Variants in RALGAPA2 observed in about 807,000 individuals in gnomAD.
The protein encoded by RALGAPA2 is Ral GTPase activating protein catalytic subunit alpha 2, also known as ral GTPase-activating protein subunit alpha-2.
In RALGAPA2, 139 loss-of-function variants were observed where a neutral mutation model predicts 230.4. That is an observed-to-expected ratio of 0.60 (90% confidence interval 0.53 to 0.69). RALGAPA2 has a LOEUF of 0.69. Ranked by LOEUF, RALGAPA2 falls within the 30% of genes least tolerant of loss-of-function variation. RALGAPA2 has a pLI of 0.00. For missense variants in RALGAPA2, 2,163 were observed against 2,276.0 expected, an observed-to-expected ratio of 0.95 and a Z score of 1.01; for synonymous variants, 847 against 837.8, an observed-to-expected ratio of 1.01 and a Z score of -0.19.
intron 19 of RALGAPA2, among the ~76,000 whole-genome samples, chr20:20,584,205 C>T (rs898535367): frequency 6.6e-6 from 1 of 152,176 alleles, no homozygotes. Context: ...TATGATAATA[C>T]GTCTCAGGAT....
intron 2 of RALGAPA2, among the ~76,000 whole-genome samples, chr20:20,677,629 A>ACT (rs2068377861): frequency 2.0e-4 from 13 of 64,312 alleles, no homozygotes; most frequent in Non-Finnish European, 2.9e-4. Context: ...GATTTGACCC[A>ACT]TTTTTTTTTT....
intron 34 of RALGAPA2, among the ~76,000 whole-genome samples, chr20:20,503,927 A>C (rs559624646): frequency 6.6e-5 from 10 of 152,338 alleles, no homozygotes; most frequent in African/African-American, 2.4e-4. Flanking sequence ...CAATATTAAA[A>C]ATATTTAGCA....
intron 30 of RALGAPA2, among the ~76,000 whole-genome samples, chr20:20,522,009 G>A (rs952333089): frequency 6.6e-6 from 1 of 152,174 alleles, no homozygotes. Context: ...TGCAGTATAG[G>A]AAAATCCTTA....
At chr20:20,559,770 T>C (rs2064201380) in intron 23 of RALGAPA2, among the ~76,000 whole-genome samples, 1 of 152,078 alleles carries the variant, frequency 6.6e-6, no homozygotes, top group South Asian at 2.1e-4. Context: ...ATACAACTAA[T>C]TTGATAGCTG....
chr20:20,512,902 T>C lies in RALGAPA2; in HGVS notation c.4467A>G (p.Gly1489=). Residue 1489 remains glycine, a synonymous_variant, in exon 32 of 40, where the codon GGA becomes GGG. Coordinates refer to ENST00000202677, the MANE Select transcript of RALGAPA2 (RefSeq NM_020343.4). ...GPLEGCLAPN[G]RNPSFLISSW... ...TCGAAATCAGAAATGAAGGATTTCT[T>C]CCATTGGGTGCTAAGCAGCCTTCCA... 2 of 1,613,876 alleles carry C rather than the reference T, an allele frequency of 1.2e-6. No individual in the cohort carries two copies. The highest frequency in any genetic ancestry group is 1.7e-6 in the Non-Finnish European group (2 of 1,179,794).
At chr20:20,538,919 G>A (rs1339093763) in intron 24 of RALGAPA2, among the ~76,000 whole-genome samples, 1 of 152,132 alleles carries the variant, frequency 6.6e-6, no homozygotes, top group Non-Finnish European at 1.5e-5. Context: ...GTATTCTGCT[G>A]TAACACCACA....
At chr20:20,614,334 TA>T (rs1281523639) in intron 13 of RALGAPA2, among the ~76,000 whole-genome samples, 1 of 151,934 alleles carries the variant, frequency 6.6e-6, no homozygotes. Context: ...TTCATCAAAA[TA>T]AAAAGATTAT....
At chr20:20,582,995 A>C in intron 20 of RALGAPA2, 55 bp downstream of exon 20, 1 of 1,556,738 alleles carries the variant, frequency 6.4e-7, no homozygotes, top group Admixed American at 1.7e-5. Context: ...CCAATGATTC[A>C]CAACTGATCT....
chr20:20,529,248 T>C (rs933457588), intron 27 of RALGAPA2, among the ~76,000 whole-genome samples: 4 of 152,214 alleles, frequency 2.6e-5, no homozygotes, highest in African/African-American at 9.7e-5. Flanking sequence ...TTCTTTGACC[T>C]TCCTCAGTCC....
At chr20:20,710,545 A>T (rs962502393) in intron 1 of RALGAPA2, among the ~76,000 whole-genome samples, 1 of 152,250 alleles carries the variant, frequency 6.6e-6, no homozygotes, top group Admixed American at 6.5e-5. Flanking sequence ...ACTAGTAAGT[A>T]TATCAACAAA....
intron 4 of RALGAPA2, among the ~76,000 whole-genome samples, chr20:20,645,091 T>TTGG (rs907279041): frequency 2.0e-5 from 3 of 151,268 alleles, no homozygotes; most frequent in Non-Finnish European, 4.4e-5. Context: ...TGGCTTGTTT[T>TTGG]TGGTGGTGGT....
intron 37 of RALGAPA2, 149 bp downstream of exon 37, chr20:20,472,680 G>T: frequency 1.5e-6 from 1 of 688,096 alleles, no homozygotes; most frequent in Non-Finnish European, 2.2e-6. Context: ...CAAATGCTAT[G>T]AAAAACCACT....
chr20:20,627,678 G>A lies in RALGAPA2; in HGVS notation c.1233+1685C>T, dbSNP rs2066532460. ...ACACTTTCTGTGCAGCAGAGGGAGGGCCCTTGAAGCTGTGCTCAGGTGTAA... is the reference window on the plus strand; with the variant it reads ...ACACTTTCTGTGCAGCAGAGGGAGGACCCTTGAAGCTGTGCTCAGGTGTAA... On this transcript the variant is annotated intron_variant, in intron 10 of 39. Transcript: ENST00000202677. 2.6e-5 allele frequency among the ~76,000 whole-genome samples: 4 copies of A among 152,260 alleles called. No homozygotes were observed. The South Asian group carries it at 6.2e-4, about 24-fold the overall frequency.
At position 20,637,461 on chromosome 20, in the gene RALGAPA2, G is replaced by T; in HGVS notation, c.707C>A (p.Thr236Asn). Residue 236 changes from threonine to asparagine, a missense_variant, in exon 8 of 40, where the codon ACT (threonine) becomes AAT (asparagine). Thr to Asn is a moderately conservative substitution (Grantham distance 65). Coordinates refer to ENST00000202677, the MANE Select transcript of RALGAPA2 (RefSeq NM_020343.4). ...LEWKNKENQD[T>N]GFKFLFTLFR... Reference sequence around the variant, plus strand: ...CAATGTAAAAAGAAATTTAAAACCAGTATCTTGATTCTCCTTATTCTTCCA... The same window carrying T: ...CAATGTAAAAAGAAATTTAAAACCATTATCTTGATTCTCCTTATTCTTCCA... 1.3e-6 allele frequency: 2 copies of T among 1,571,570 alleles called. No homozygotes were observed.
Position 20,565,301 on chromosome 20 carries a change from T to C in RALGAPA2, c.3156+6157A>G, listed in dbSNP as rs6046938. 2.3e-3 allele frequency among the ~76,000 whole-genome samples: 355 copies of C among 152,358 alleles called. 2 individuals are homozygous for C. The highest frequency in any genetic ancestry group is 8.0e-3 in the African/African-American group (333 of 41,586). On this transcript the variant is annotated intron_variant, in intron 23 of 39. Transcript: ENST00000202677. ...TTATCTAACATATATGGTTCCATAG[T>C]AACAAGTCTAAATTTTCAGCAAAGA...
intron 36 of RALGAPA2, among the ~76,000 whole-genome samples, chr20:20,478,704 G>T (rs565630718): frequency 2.6e-5 from 4 of 152,212 alleles, no homozygotes; most frequent in African/African-American, 9.6e-5. Flanking sequence ...ACTACCAGAA[G>T]GGGGAGGGAG....
At chr20:20,474,875 T>C (rs2061617495) in intron 36 of RALGAPA2, among the ~76,000 whole-genome samples, 1 of 152,178 alleles carries the variant, frequency 6.6e-6, no homozygotes, top group African/African-American at 2.4e-5. Flanking sequence ...TTAGAGATGA[T>C]GTTTCTAGCC....
chr20:20,528,191 G>C (rs575811439), intron 27 of RALGAPA2, among the ~76,000 whole-genome samples: 69 of 152,320 alleles, frequency 4.5e-4, no homozygotes, highest in African/African-American at 1.6e-3. Flanking sequence ...TGTAATGAAG[G>C]AGGTGGGGAA....
In RALGAPA2 at chr20:20,611,384, G is replaced by A. The variant is rs759726837; in HGVS notation, c.1731C>T (p.Val577=). ...LQILLRITEA[V]MQKPKDKQIK... Reference sequence around the variant, plus strand: ...TTTGTTTATCCTTTGGCTTCTGCATGACAGCTTCTGTTATCCTGAGTAGTA... The same window carrying A: ...TTTGTTTATCCTTTGGCTTCTGCATAACAGCTTCTGTTATCCTGAGTAGTA... Residue 577 remains valine (V), a synonymous_variant, in exon 14 of 40, where the codon GTC becomes GTT. Coordinates refer to ENST00000202677, the MANE Select transcript of RALGAPA2 (RefSeq NM_020343.4). 9.9e-6 allele frequency: 16 copies of A among 1,613,574 alleles called. No homozygotes were observed. Among genetic ancestry groups the A allele is most frequent in the Non-Finnish European group, 1.4e-5 (16 of 1,179,646 alleles).
Sources: allele counts gnomAD v4.1 joint callset (sites outside exome capture counted in the v4.1 genomes callset), GRCh38; gene constraint gnomAD v4.1.1; transcripts MANE v1.5; gene names NCBI Gene and HGNC (gene_info 2026-07-23, HGNC 2026-07-21).